SLC22A23: variants seen among roughly 807,000 people sequenced by gnomAD.
The protein encoded by SLC22A23 is ion transporter protein.
SLC22A23 carries 26 observed loss-of-function variants against 61.0 expected under a neutral mutation model. The ratio of observed to expected loss-of-function variants is 0.43; its 90% CI spans 0.31 to 0.59. SLC22A23 has a LOEUF of 0.59. SLC22A23 is among the 20% of genes least tolerant of loss of function. The pLI is 0.11. For synonymous variants in SLC22A23, 430 were observed against 413.9 expected (o/e 1.04, Z -0.47); for missense variants, 796 against 934.7 (o/e 0.85, Z 1.94).
At chr6:3,408,018 A>G (rs1184992685) in intron 3 of SLC22A23, among the ~76,000 whole-genome samples, 1 of 152,250 alleles carries the variant, frequency 6.6e-6, no homozygotes, top group Non-Finnish European at 1.5e-5. Flanking sequence ...TTGGCCCACC[A>G]TCTGTTTCTG....
chr6:3,377,283 T>C (rs755735582), intron 3 of SLC22A23, among the ~76,000 whole-genome samples: 3 of 152,156 alleles, frequency 2.0e-5, no homozygotes, highest in Non-Finnish European at 4.4e-5. Flanking sequence ...TCTAGTATTA[T>C]AGCCAGGGAA....
chr6:3,437,088 C>T (rs1771262155), intron 1 of SLC22A23, among the ~76,000 whole-genome samples: 2 of 152,162 alleles, frequency 1.3e-5, no homozygotes, highest in African/African-American at 4.8e-5. Context: ...TCAAAGTTGC[C>T]GTTGGCTTTC....
rs1761178229 is a variant in SLC22A23 at position 3,297,114 on chromosome 6, C to A, written c.1210+977G>T. 6.6e-6 allele frequency among the ~76,000 whole-genome samples: 1 copy of A among 152,246 alleles called. No homozygotes were observed. Among genetic ancestry groups the A allele is most frequent in the African/African-American group, 2.4e-5 (1 of 41,472 alleles). ...GTAACTTCCCTGTCTGTGTGCCCCA[C>A]CTGCCTGCAAGTTACGTGAGAGCAA... On this transcript the variant is annotated intron_variant, in intron 5 of 9. Transcript: ENST00000406686. This position sits in a 1 kb window ranked among gnomAD's most constrained non-coding sequence, Gnocchi z 4.3.
Position 3,407,575 on chromosome 6 carries a change from A to C in SLC22A23, c.913+2613T>G, listed in dbSNP as rs374534858. 1.1e-4 allele frequency among the ~76,000 whole-genome samples: 17 copies of C among 152,262 alleles called. No individual in the cohort carries two copies. In the East Asian group the frequency reaches 2.9e-3, roughly 26 times the overall value. On this transcript the variant is annotated intron_variant, in intron 3 of 9. Coordinates refer to ENST00000406686, the MANE Select transcript of SLC22A23 (RefSeq NM_015482.2). ...TCTCAACCAACTCTCCTAAATTTTCATTGTTTAAATATCTCAACAAACTCC... is the reference window on the plus strand; with the variant it reads ...TCTCAACCAACTCTCCTAAATTTTCCTTGTTTAAATATCTCAACAAACTCC...
At position 3,390,455 on chromosome 6, in the gene SLC22A23, G is replaced by T. The variant is rs377063922; in HGVS notation, c.913+19733C>A. ...TGCCAACCTAACATGAGAAGGCTAA[G>T]AATTCTGTTCACATCTACCATGACC... On this transcript the variant is annotated intron_variant, in intron 3 of 9. Transcript: ENST00000406686. This position sits in a 1 kb window ranked among gnomAD's most constrained non-coding sequence, Gnocchi z 4.0. 1.3e-5 allele frequency among the ~76,000 whole-genome samples: 2 copies of T among 152,266 alleles called. No individual in the cohort carries two copies. Among genetic ancestry groups the T allele is most frequent in the African/African-American group, 4.8e-5 (2 of 41,540 alleles).
intron 1 of SLC22A23, among the ~76,000 whole-genome samples, chr6:3,436,604 G>A (rs1018807150): frequency 3.9e-5 from 6 of 152,102 alleles, no homozygotes; most frequent in Non-Finnish European, 8.8e-5. Flanking sequence ...CACATCCCAG[G>A]GATTCCCAAC....
In SLC22A23 at chr6:3,324,916, A is replaced by G. The variant is rs557034236; in HGVS notation, c.914-914T>C. 2.0e-5 allele frequency among the ~76,000 whole-genome samples: 3 copies of G among 152,376 alleles called. No individual in the cohort carries two copies. Among genetic ancestry groups the G allele is most frequent in the East Asian group, 3.9e-4 (2 of 5,192 alleles). ...ATCTGTGGCACCCAAGTGACAACCA[A>G]TACAGACTTACTACTACGTGAATCA... is the stretch of plus-strand genomic sequence containing the variant. On this transcript the variant is annotated intron_variant, in intron 3 of 9. Transcript: ENST00000406686. This position sits in a 1 kb window ranked among gnomAD's most constrained non-coding sequence, Gnocchi z 4.3.
In SLC22A23 at chr6:3,360,092, C is replaced by T. The variant is rs1480391196; in HGVS notation, c.914-36090G>A. On this transcript the variant is annotated intron_variant, in intron 3 of 9. Transcript: ENST00000406686. This position sits in a 1 kb window ranked among gnomAD's most constrained non-coding sequence, Gnocchi z 4.6. ...ATAGAAACAGAAAGTAGAAGGGTGGCTGCTCGGGACTAAGGGATGGGAATG... is the reference window on the plus strand; with the variant it reads ...ATAGAAACAGAAAGTAGAAGGGTGGTTGCTCGGGACTAAGGGATGGGAATG... 6.6e-6 allele frequency among the ~76,000 whole-genome samples: 1 copy of T among 152,058 alleles called. No homozygotes were observed. The highest frequency in any genetic ancestry group is 2.4e-5 in the African/African-American group (1 of 41,392).
Position 3,404,652 on chromosome 6 carries a change from C to T in SLC22A23, c.913+5536G>A, listed in dbSNP as rs1768667928. ...ACCAGTGGCCCTGCCTAACTGGCCA[C>T]CACAGCATTCTCGCCTTCCCAGGGG... is the stretch of plus-strand genomic sequence containing the variant. On this transcript the variant is annotated intron_variant, in intron 3 of 9. Coordinates refer to ENST00000406686, the MANE Select transcript of SLC22A23 (RefSeq NM_015482.2). Among the ~76,000 whole-genome samples the T allele has an allele frequency of 2.0e-5, 3 of 152,188 alleles. No homozygotes were observed. The South Asian group carries it at 6.2e-4, about 32-fold the overall frequency.
At chr6:3,430,068 CA>C (rs1336855406) in intron 1 of SLC22A23, among the ~76,000 whole-genome samples, 14 of 151,764 alleles carry the variant, frequency 9.2e-5, no homozygotes, top group Non-Finnish European at 1.2e-4. Flanking sequence ...CACGCACACA[CA>C]AAAAAAAGTT....
chr6:3,350,406 A>T (rs1376965798), intron 3 of SLC22A23, among the ~76,000 whole-genome samples: 1 of 152,262 alleles, frequency 6.6e-6, no homozygotes, highest in Non-Finnish European at 1.5e-5. Flanking sequence ...GACAACCAAA[A>T]GATGAATAAT....
chr6:3,277,334 T>C (rs942639721), intron 9 of SLC22A23, among the ~76,000 whole-genome samples: 1 of 151,712 alleles, frequency 6.6e-6, no homozygotes, highest in Non-Finnish European at 1.5e-5. Flanking sequence ...CTGCAAACAC[T>C]GCCTCCTCAA....
intron 4 of SLC22A23, among the ~76,000 whole-genome samples, chr6:3,305,852 G>A (rs1013325357): frequency 6.6e-6 from 1 of 152,234 alleles, no homozygotes; most frequent in Non-Finnish European, 1.5e-5. Context: ...CTGGGAGAAA[G>A]CCTTGAAGTT....
intron 9 of SLC22A23, 75 bp from the exon 10 acceptor site, chr6:3,273,487 C>T: frequency 6.6e-7 from 1 of 1,525,854 alleles, no homozygotes; most frequent in Non-Finnish European, 8.9e-7. Flanking sequence ...CGGGGTGGAC[C>T]AGGAAGCCAC....
At chr6:3,383,306 A>G (rs1767070387) in intron 3 of SLC22A23, among the ~76,000 whole-genome samples, 1 of 151,712 alleles carries the variant, frequency 6.6e-6, no homozygotes, top group Admixed American at 6.6e-5. Context: ...TAATAAAGAA[A>G]AGGGAACAAA....
At chr6:3,374,719 GCAAGGAGCTGA>G (rs1408251358) in intron 3 of SLC22A23, among the ~76,000 whole-genome samples, 2 of 152,220 alleles carry the variant, frequency 1.3e-5, no homozygotes, top group African/African-American at 2.4e-5. Flanking sequence ...CTGAAGCAGA[GCAAGGAGCTGA>G]CAAGTTGCTG....
chr6:3,448,932 G>A (rs1772045048), intron 1 of SLC22A23, among the ~76,000 whole-genome samples: 1 of 152,192 alleles, frequency 6.6e-6, no homozygotes, highest in African/African-American at 2.4e-5. Flanking sequence ...TCTGCAGATG[G>A]TTCAGAACAG....
chr6:3,405,313 A>T (rs1300585974), intron 3 of SLC22A23, among the ~76,000 whole-genome samples: 1 of 152,072 alleles, frequency 6.6e-6, no homozygotes, highest in Non-Finnish European at 1.5e-5. Flanking sequence ...ACTCTGACTC[A>T]TTTCCTTGGT....
intron 1 of SLC22A23, chr6:3,432,445 G>T: frequency 1.0e-6 from 1 of 967,364 alleles, no homozygotes; most frequent in Non-Finnish European, 1.2e-6. Context: ...CTGCTCTTCA[G>T]CTCACTGTAA....
Sources: gnomAD v4.1 joint callset for allele counts (sites outside exome capture counted in the v4.1 genomes callset) on GRCh38, gnomAD v4.1.1 for gene constraint, Gnocchi (gnomAD v3.1) non-coding constraint, MANE v1.5 for transcripts, NCBI Gene and HGNC (gene_info 2026-07-23, HGNC 2026-07-21) for gene names.